UBE2E3: variants seen among roughly 807,000 people sequenced by gnomAD.
UBE2E3 encodes ubiquitin-conjugating enzyme E2 E3.
Under a neutral mutation model 23.6 loss-of-function variants are expected in UBE2E3, and 5 were observed. The observed-to-expected ratio is 0.21, with a 90% CI of 0.11 to 0.44. The LOEUF is 0.44. Among genes scored for constraint, UBE2E3 ranks in the 20% least tolerant of loss-of-function variants. The pLI, the probability that UBE2E3 is intolerant of heterozygous loss-of-function variation, is 0.99. For missense variants in UBE2E3, 81 were observed against 249.8 expected (o/e 0.32, Z 4.55); for synonymous variants, 78 against 87.5 (o/e 0.89, Z 0.60).
At chr2:181,007,991 T>C (rs542546497) in intron 3 of UBE2E3, among the ~76,000 whole-genome samples, 1 of 152,332 alleles carries the variant, frequency 6.6e-6, no homozygotes, top group East Asian at 1.9e-4. Flanking sequence ...CCACTGAAAT[T>C]AAAGCCAAAC....
intron 3 of UBE2E3, among the ~76,000 whole-genome samples, chr2:180,995,617 G>A (rs781739521): frequency 1.3e-5 from 2 of 151,940 alleles, no homozygotes; most frequent in Non-Finnish European, 2.9e-5. Context: ...ACTGGGCTGA[G>A]TTTCCTTAGA....
intron 4 of UBE2E3, among the ~76,000 whole-genome samples, chr2:181,060,263 TA>T (rs920922885): frequency 3.3e-5 from 5 of 150,960 alleles, no homozygotes; most frequent in Non-Finnish European, 5.9e-5. Context: ...TTTTATGTTT[TA>T]AAAAAAAATC....
At chr2:181,037,080 A>G (rs1298952830) in intron 3 of UBE2E3, among the ~76,000 whole-genome samples, 1 of 152,220 alleles carries the variant, frequency 6.6e-6, no homozygotes, top group Non-Finnish European at 1.5e-5. Context: ...GAAGATTATG[A>G]TAGAGCTGAA....
At chr2:181,023,561 C>T (rs181117112) in intron 3 of UBE2E3, among the ~76,000 whole-genome samples, 145 of 152,200 alleles carry the variant, frequency 9.5e-4, no homozygotes, top group Non-Finnish European at 1.7e-3. Context: ...GTGAGGCATC[C>T]CTTACTTTCT....
intron 3 of UBE2E3, among the ~76,000 whole-genome samples, chr2:181,040,231 T>TA (rs1686443711): frequency 6.6e-6 from 1 of 152,254 alleles, no homozygotes; most frequent in African/African-American, 2.4e-5. Flanking sequence ...AGCTTTCTGA[T>TA]ATACCCAGTT....
At chr2:181,037,478 G>C (rs780720755) in intron 3 of UBE2E3, among the ~76,000 whole-genome samples, 2 of 152,062 alleles carry the variant, frequency 1.3e-5, no homozygotes, top group Non-Finnish European at 2.9e-5. Flanking sequence ...GCCTGTGTGA[G>C]CCTAGGCTAA....
At chr2:181,021,590 T>TCCTC (rs1685689657) in intron 3 of UBE2E3, among the ~76,000 whole-genome samples, 35 of 52,454 alleles carry the variant, frequency 6.7e-4, no homozygotes, top group African/African-American at 1.5e-3. Flanking sequence ...CTCCCTTCCT[T>TCCTC]CCTCCCTCCC....
At chr2:180,997,725 A>G (rs1233126877) in intron 3 of UBE2E3, among the ~76,000 whole-genome samples, 1 of 152,074 alleles carries the variant, frequency 6.6e-6, no homozygotes, top group Non-Finnish European at 1.5e-5. Context: ...TGTTGTAGCA[A>G]AAGTATTGTT....
intron 3 of UBE2E3, among the ~76,000 whole-genome samples, chr2:181,013,644 G>A (rs1025067997): frequency 6.6e-6 from 1 of 152,160 alleles, no homozygotes; most frequent in African/African-American, 2.4e-5. Flanking sequence ...TGGGTTTCAA[G>A]AGCGAATATT....
At chr2:181,027,855 C>T (rs968827963) in intron 3 of UBE2E3, among the ~76,000 whole-genome samples, 2 of 151,918 alleles carry the variant, frequency 1.3e-5, no homozygotes, top group Middle Eastern at 3.2e-3. Flanking sequence ...TGTAAGTATA[C>T]CCTTATCATC....
rs183905915 is a variant in UBE2E3 at position 180,999,767 on chromosome 2, A to G, written c.245+15674A>G. 9.2e-5 allele frequency among the ~76,000 whole-genome samples: 14 copies of G among 152,340 alleles called. No homozygotes were observed. The East Asian group carries it at 2.7e-3, about 29-fold the overall frequency. The stretch of plus-strand genomic sequence containing the variant: ...TCAAGTCTTGGCTTTACAATTGAGT[A>G]ACTGTAAAAGCTTGAGCAAGTTATC... On this transcript the variant is annotated intron_variant, in intron 3 of 5. Transcript: ENST00000410062.
intron 3 of UBE2E3, among the ~76,000 whole-genome samples, chr2:180,997,531 T>G (rs1256576004): frequency 2.0e-5 from 3 of 152,150 alleles, no homozygotes; most frequent in African/African-American, 7.2e-5. Flanking sequence ...CACCCTTGTG[T>G]TGTTTATCCC....
At chr2:181,045,995 A>G (rs1686663352) in intron 3 of UBE2E3, among the ~76,000 whole-genome samples, 1 of 152,182 alleles carries the variant, frequency 6.6e-6, no homozygotes, top group African/African-American at 2.4e-5. Flanking sequence ...TATGTGGATA[A>G]TTTTGTGTTG....
chr2:181,028,541 G>A (rs970103029), intron 3 of UBE2E3, among the ~76,000 whole-genome samples: 2 of 152,050 alleles, frequency 1.3e-5, no homozygotes, highest in African/African-American at 2.4e-5. Flanking sequence ...TTCTCTTTGC[G>A]CTGCAGGTTT....
At chr2:181,021,361 T>C (rs1390576340) in intron 3 of UBE2E3, among the ~76,000 whole-genome samples, 2 of 144,790 alleles carry the variant, frequency 1.4e-5, no homozygotes, top group Non-Finnish European at 3.1e-5. Flanking sequence ...TCTCTTCTTT[T>C]TTTTTTGTTT....
intron 3 of UBE2E3, among the ~76,000 whole-genome samples, chr2:181,055,945 G>C (rs1686976645): frequency 6.6e-6 from 1 of 151,632 alleles, no homozygotes. Flanking sequence ...GCACCAAAAT[G>C]TAACTAAGAC....
In UBE2E3 at chr2:181,060,713, G is replaced by A. The variant is rs1292544696; in HGVS notation, c.427G>A (p.Val143Ile). ...IYHCNINSQGVICLDILKDNW... is the reference protein window; with the variant it reads ...IYHCNINSQGIICLDILKDNW... ...TCACTGCAACATCAACAGTCAGGGAGTCATCTGTCTGGACATCCTTAAAGA... is the reference window on the plus strand; with the variant it reads ...TCACTGCAACATCAACAGTCAGGGAATCATCTGTCTGGACATCCTTAAAGA... Residue 143 changes from valine to isoleucine, a missense_variant, in exon 5 of 6, where the codon GTC becomes ATC. Val to Ile is a conservative substitution (Grantham distance 29). Transcript: ENST00000410062. 6.2e-7 allele frequency: 1 copy of A among 1,610,812 alleles called. No homozygotes were observed. Among genetic ancestry groups the A allele is most frequent in the Non-Finnish European group, 8.5e-7 (1 of 1,178,386 alleles).
intron 3 of UBE2E3, among the ~76,000 whole-genome samples, chr2:181,026,718 C>T (rs1158970538): frequency 2.0e-5 from 3 of 151,402 alleles, no homozygotes; most frequent in South Asian, 2.1e-4. Flanking sequence ...TTCATTACCT[C>T]GACTGGACTG....
chr2:181,032,686 A>C (rs896264896), intron 3 of UBE2E3, among the ~76,000 whole-genome samples: 2 of 152,166 alleles, frequency 1.3e-5, no homozygotes, highest in African/African-American at 4.8e-5. Flanking sequence ...AAAGAAAACA[A>C]AGTTGCAAAA....
Sources: gnomAD v4.1 joint callset for allele counts (sites outside exome capture counted in the v4.1 genomes callset) on GRCh38, gnomAD v4.1.1 for gene constraint, MANE v1.5 for transcripts, NCBI Gene and HGNC (gene_info 2026-07-23, HGNC 2026-07-21) for gene names.